LRMDA: variants seen among roughly 807,000 people sequenced by gnomAD.
LRMDA encodes leucine rich melanocyte differentiation associated.
LRMDA carries 18 observed loss-of-function variants against 29.8 expected under a neutral mutation model. That is an observed-to-expected ratio of 0.60 (90% CI 0.42 to 0.90). LRMDA has a LOEUF of 0.90. LRMDA is among the 40% of genes least tolerant of loss of function. The pLI, the probability that LRMDA is intolerant of heterozygous loss-of-function variation, is 0.00. For synonymous variants in LRMDA, 125 were observed against 109.4 expected, an observed-to-expected ratio of 1.14 and a Z score of -0.89; for missense variants, 273 against 273.9, an observed-to-expected ratio of 1.00 and a Z score of 0.02.
intron 6 of LRMDA, among the ~76,000 whole-genome samples, chr10:76,430,903 T>A (rs1564539541): frequency 6.6e-6 from 1 of 152,196 alleles, no homozygotes; most frequent in Non-Finnish European, 1.5e-5. Flanking sequence ...TTGAATAGTA[T>A]CTGGAGTAGA....
intron 2 of LRMDA, among the ~76,000 whole-genome samples, chr10:75,638,328 C>A (rs886419159): frequency 6.6e-6 from 1 of 152,134 alleles, no homozygotes; most frequent in Non-Finnish European, 1.5e-5. Flanking sequence ...GTTTGCTTCC[C>A]AGGTTTCCTT....
intron 5 of LRMDA, among the ~76,000 whole-genome samples, chr10:76,151,472 A>C (rs1850442959): frequency 1.3e-5 from 2 of 151,986 alleles, no homozygotes; most frequent in Admixed American, 6.6e-5. Context: ...TGTCTGTTTG[A>C]TACTAGAATG....
At chr10:76,207,879 A>G (rs183630168) in intron 5 of LRMDA, among the ~76,000 whole-genome samples, 16 of 152,122 alleles carry the variant, frequency 1.1e-4, no homozygotes, top group Non-Finnish European at 2.1e-4. Context: ...CAGGAGAATC[A>G]CTTGAACCCG....
intron 5 of LRMDA, among the ~76,000 whole-genome samples, chr10:76,063,968 G>T (rs915110584): frequency 6.6e-6 from 1 of 152,100 alleles, no homozygotes; most frequent in Non-Finnish European, 1.5e-5. Context: ...TGTTTTGTTC[G>T]TTTCTGTATC....
At chr10:75,699,533 A>T (rs542233062) in intron 2 of LRMDA, among the ~76,000 whole-genome samples, 72 of 152,370 alleles carry the variant, frequency 4.7e-4, no homozygotes, top group Non-Finnish European at 8.7e-4. Flanking sequence ...TTAAAAATAT[A>T]AAATTGCCAT....
chr10:75,877,490 C>T (rs1845217642), intron 2 of LRMDA, among the ~76,000 whole-genome samples: 1 of 152,206 alleles, frequency 6.6e-6, no homozygotes, highest in Non-Finnish European at 1.5e-5. Flanking sequence ...TGGCATGGAT[C>T]ACACTGTATT....
chr10:76,443,043 C>T (rs1039560402), intron 6 of LRMDA, among the ~76,000 whole-genome samples: 12 of 152,128 alleles, frequency 7.9e-5, no homozygotes, highest in East Asian at 1.9e-4. Context: ...GGCAAAAACA[C>T]GGCCAAGGAT....
At chr10:75,797,680 TA>T (rs1843676222) in intron 2 of LRMDA, among the ~76,000 whole-genome samples, 1 of 152,234 alleles carries the variant, frequency 6.6e-6, no homozygotes, top group Admixed American at 6.5e-5. Context: ...TCGTTTAGCA[TA>T]ATGGTTTTGA....
chr10:76,299,878 T>G (rs1049044190), intron 5 of LRMDA, among the ~76,000 whole-genome samples: 2 of 152,190 alleles, frequency 1.3e-5, no homozygotes, highest in Non-Finnish European at 2.9e-5. Context: ...AGGATTAAGA[T>G]TCAGATAAAA....
chr10:76,036,272 C>T (rs948446553), intron 3 of LRMDA, 138 bp downstream of exon 3: 9 of 878,610 alleles, frequency 1.0e-5, no homozygotes, highest in Non-Finnish European at 1.5e-5. Context: ...AAATACAGTT[C>T]GTGGGCAGAC....
At chr10:76,522,295 T>C (rs1843129186) in intron 6 of LRMDA, among the ~76,000 whole-genome samples, 1 of 152,174 alleles carries the variant, frequency 6.6e-6, no homozygotes, top group African/African-American at 2.4e-5. Context: ...CTAAAACTGG[T>C]GTCCTAGGAT....
chr10:76,221,128 A>T (rs1851825816), intron 5 of LRMDA, among the ~76,000 whole-genome samples: 1 of 152,112 alleles, frequency 6.6e-6, no homozygotes, highest in Non-Finnish European at 1.5e-5. Context: ...ATCTCAAAAT[A>T]ATAAGAGCTA....
chr10:76,154,837 C>T (rs1850509236), intron 5 of LRMDA, among the ~76,000 whole-genome samples: 1 of 152,176 alleles, frequency 6.6e-6, no homozygotes, highest in East Asian at 1.9e-4. Flanking sequence ...CTCATTCTAG[C>T]TCATTCATGT....
At chr10:75,539,586 T>C (rs1202357443) in intron 2 of LRMDA, among the ~76,000 whole-genome samples, 1 of 152,192 alleles carries the variant, frequency 6.6e-6, no homozygotes, top group Non-Finnish European at 1.5e-5. Context: ...TGGCAAATAA[T>C]ATTGATAAAA....
intron 5 of LRMDA, among the ~76,000 whole-genome samples, chr10:76,223,438 CTCTCT>C (rs1277517689): frequency 1.3e-5 from 2 of 152,158 alleles, no homozygotes; most frequent in South Asian, 2.1e-4. Flanking sequence ...GCTCCTACCT[CTCTCT>C]AATGGATGTG....
At chr10:75,466,066 C>A (rs1326373945) in intron 2 of LRMDA, among the ~76,000 whole-genome samples, 1 of 152,208 alleles carries the variant, frequency 6.6e-6, no homozygotes, top group Non-Finnish European at 1.5e-5. Context: ...TTGAATCGGA[C>A]TCAGATTAAA....
At chr10:76,205,011 A>G (rs1488956716) in intron 5 of LRMDA, among the ~76,000 whole-genome samples, 2 of 152,212 alleles carry the variant, frequency 1.3e-5, no homozygotes, top group African/African-American at 2.4e-5. Flanking sequence ...AGGGCCCCAC[A>G]TAATAAGTAG....
chr10:75,864,491 G>T (rs542368550), intron 2 of LRMDA, among the ~76,000 whole-genome samples: 216 of 152,182 alleles, frequency 1.4e-3, no homozygotes, highest in Middle Eastern at 0.01. Flanking sequence ...AACCCATGTG[G>T]CATTAATATG....
intron 1 of LRMDA, among the ~76,000 whole-genome samples, chr10:75,434,039 A>G (rs1453069687): frequency 2.0e-5 from 3 of 152,166 alleles, no homozygotes. Context: ...TTCATTTGCC[A>G]TGGGTCTGAC....
Sources: allele counts gnomAD v4.1 joint callset (sites outside exome capture counted in the v4.1 genomes callset), GRCh38; gene constraint gnomAD v4.1.1; transcripts MANE v1.5; gene names NCBI Gene and HGNC (gene_info 2026-07-23, HGNC 2026-07-21).